Variants in TNRC6B observed in about 807,000 individuals in gnomAD.
TNRC6B encodes trinucleotide repeat-containing gene 6B protein.
In TNRC6B, 52 loss-of-function variants were observed where a neutral mutation model predicts 203.6. The observed-to-expected ratio is 0.26, with a 90% CI of 0.20 to 0.32. TNRC6B has a LOEUF of 0.32. Among genes scored for constraint, TNRC6B ranks in the 10% least tolerant of loss-of-function variants. The pLI is 1.00. For missense variants in TNRC6B, 1,923 were observed against 2,286.2 expected (o/e 0.84, Z 3.24); for synonymous variants, 838 against 845.7 (o/e 0.99, Z 0.16).
rs897721252 is a variant in TNRC6B, at chr22:40,328,244, T to A, written c.*5003T>A. ...TCCCCCCAATAAATCACTTATCCAT[T>A]TATTGCTAGTTAGTTTTATTTATAG... On this transcript the variant is annotated 3_prime_UTR_variant, in exon 23 of 23. Coordinates refer to ENST00000454349, the MANE Select transcript of TNRC6B (RefSeq NM_001162501.2). 20 of 152,350 alleles carry A rather than the reference T, an allele frequency of 1.3e-4. 1 individual carries two copies. The highest frequency in any genetic ancestry group is 3.4e-3 in the Middle Eastern group (1 of 294). The allele number at this position is 152,350 out of a possible 1,614,324, so 9.4% of individuals were successfully genotyped here.
At chr22:40,216,828 G>A (rs938286973) in intron 1 of TNRC6B, among the ~76,000 whole-genome samples, 4 of 152,126 alleles carry the variant, frequency 2.6e-5, no homozygotes, top group Admixed American at 2.0e-4. Context: ...TATTGAAAAC[G>A]TACATACTCA....
chr22:40,312,384 C>A, intron 17 of TNRC6B, 121 bp from the exon 18 acceptor site: 1 of 1,044,646 alleles, frequency 9.6e-7, no homozygotes, highest in South Asian at 1.9e-5. Context: ...TGATGAAAAT[C>A]TAAGAGACAA....
intron 1 of TNRC6B, among the ~76,000 whole-genome samples, chr22:40,222,313 T>A (rs972586200): frequency 1.3e-5 from 2 of 152,088 alleles, no homozygotes; most frequent in Admixed American, 1.3e-4. Context: ...TAAAAGGGGC[T>A]TAAAGGGGAT....
intron 3 of TNRC6B, among the ~76,000 whole-genome samples, chr22:40,138,546 A>G (rs147796688): frequency 1.8e-4 from 27 of 152,300 alleles, no homozygotes; most frequent in African/African-American, 5.1e-4. Context: ...GATTACAGGC[A>G]TGAGCCACCA....
intron 1 of TNRC6B, among the ~76,000 whole-genome samples, chr22:40,116,004 T>C (rs772840039): frequency 1.3e-5 from 2 of 152,222 alleles, no homozygotes; most frequent in Non-Finnish European, 2.9e-5. Context: ...GATGTATTGA[T>C]TCAAACACTA....
In TNRC6B at chr22:40,266,225, C is replaced by G. The variant is rs1569045268; in HGVS notation, c.1995C>G (p.Gly665=). 1 of 1,606,744 alleles carries G rather than the reference C, an allele frequency of 6.2e-7. No homozygotes were observed. The change falls in exon 5 of 23, where the codon GGC becomes GGG. Residue 665 remains glycine (G), a synonymous_variant. Transcript: ENST00000454349. ...SAATQTKNSG[G]WGDAPSQSNQ... Reference sequence around the variant, plus strand: ...CCACACAGACCAAGAACTCAGGGGGCTGGGGAGATGCACCCAGCCAAAGCA... The same window carrying G: ...CCACACAGACCAAGAACTCAGGGGGGTGGGGAGATGCACCCAGCCAAAGCA...
At chr22:40,062,038 C>A (rs1378298100) in intron 1 of TNRC6B, among the ~76,000 whole-genome samples, 2 of 152,020 alleles carry the variant, frequency 1.3e-5, no homozygotes, top group South Asian at 2.1e-4. Flanking sequence ...TGTGCCATTA[C>A]GCTCCAGCCT....
In TNRC6B at chr22:40,234,945, A is replaced by T. The variant is rs77943556; in HGVS notation, c.6-11070A>T. ...TATGTAATTTCCTCTGCCTGAATGG[A>T]TATGTTCCAACATGCTTTTTGTGTG... is the stretch of plus-strand genomic sequence containing the variant. On this transcript the variant is annotated intron_variant, in intron 1 of 22. Coordinates refer to ENST00000454349, the MANE Select transcript of TNRC6B (RefSeq NM_001162501.2). 4.9e-3 allele frequency among the ~76,000 whole-genome samples: 745 copies of T among 152,310 alleles called. 46 individuals carry two copies. The East Asian group carries it at 0.13, about 26-fold the overall frequency.
intron 4 of TNRC6B, among the ~76,000 whole-genome samples, chr22:40,262,557 T>C (rs1388964278): frequency 6.6e-6 from 1 of 152,190 alleles, no homozygotes; most frequent in Non-Finnish European, 1.5e-5. Context: ...TCCAGAATGC[T>C]AGGAGGATAG....
intron 19 of TNRC6B, among the ~76,000 whole-genome samples, chr22:40,313,648 AC>A (rs1212873209): frequency 2.6e-5 from 4 of 152,238 alleles, no homozygotes; most frequent in Non-Finnish European, 4.4e-5. Context: ...ATTATGACTT[AC>A]GTGCTTTGCC....
rs2071389515 is a variant in TNRC6B at position 40,325,455 on chromosome 22, G to C, written c.*2214G>C. The C allele has an allele frequency of 6.6e-6, 1 of 152,530 alleles. No individual in the cohort carries two copies. The highest frequency in any genetic ancestry group is 6.5e-5 in the Admixed American group (1 of 15,280). 9.4% of individuals were successfully genotyped at this position (152,530 alleles called of 1,614,324 possible). ...ATTGACAGGCATGACTCAAGTGAGT[G>C]TTCACATATACAAGCCTGCATGAGC... On this transcript the variant is annotated 3_prime_UTR_variant, in exon 23 of 23. Transcript: ENST00000454349.
At chr22:40,067,298 A>T (rs1369083353) in intron 1 of TNRC6B, among the ~76,000 whole-genome samples, 1 of 152,172 alleles carries the variant, frequency 6.6e-6, no homozygotes, top group Non-Finnish European at 1.5e-5. Context: ...ACGATGTTGA[A>T]TTCCAGTAGC....
At chr22:40,170,685 CTT>C (rs1326774158) in intron 4 of TNRC6B, among the ~76,000 whole-genome samples, 2 of 137,200 alleles carry the variant, frequency 1.5e-5, no homozygotes, top group East Asian at 2.2e-4. Context: ...ACAATTCTCA[CTT>C]TGCAAAAATT....
chr22:40,231,431 T>C (rs1228271075), intron 1 of TNRC6B, among the ~76,000 whole-genome samples: 2 of 152,204 alleles, frequency 1.3e-5, no homozygotes, highest in African/African-American at 4.8e-5. Context: ...TCCGCAATGT[T>C]TTGTAGTTTT....
At chr22:40,177,810 T>G (rs951596858), upstream of TNRC6B, 41 of 1,278,138 alleles carry the variant, frequency 3.2e-5, 1 homozygote, top group South Asian at 2.0e-4. Context: ...GGAAAAGGGC[T>G]GCTTCCCCTT....
intron 12 of TNRC6B, among the ~76,000 whole-genome samples, chr22:40,296,121 C>A: frequency 6.6e-6 from 1 of 152,104 alleles, no homozygotes; most frequent in East Asian, 1.9e-4. Flanking sequence ...AACGTGCGTA[C>A]TTCCTAATAC....
chr22:40,261,866 A>G lies in TNRC6B; in HGVS notation c.150A>G (p.Pro50=). 1.3e-6 allele frequency: 2 copies of G among 1,582,942 alleles called. No individual in the cohort carries two copies. Among genetic ancestry groups the G allele is most frequent in the African/African-American group, 2.7e-5 (2 of 74,638 alleles). Residue 50 remains proline, a synonymous_variant, in exon 4 of 23, where the codon CCA becomes CCG. Transcript: ENST00000454349. ...PEVTKPSLSQ[P]TAASPIGSSP... is the part of the protein sequence containing the mutation. ...TGACGAAACCAAGTTTAAGCCAACC[A>G]ACGGCCGCCAGCCCAATTGGCAGCT...
chr22:40,301,012 G>C lies in TNRC6B; in HGVS notation c.3936+7G>C, dbSNP rs368662731. 119 of 1,609,394 alleles carry C rather than the reference G, an allele frequency of 7.4e-5. No individual in the cohort carries two copies. Among genetic ancestry groups the C allele is most frequent in the Non-Finnish European group, 9.4e-5 (111 of 1,177,894 alleles). On this transcript the variant is annotated splice_region_variant and intron_variant, in intron 14 of 22. Coordinates refer to ENST00000454349, the MANE Select transcript of TNRC6B (RefSeq NM_001162501.2). ...CCAACAGCAAGAGCAGCAGGTACGT[G>C]GGTAGGCAGGGTCCCTCCAGTGCTG... is the stretch of plus-strand genomic sequence containing the variant.
intron 12 of TNRC6B, among the ~76,000 whole-genome samples, chr22:40,299,003 G>A (rs1330276731): frequency 2.6e-5 from 4 of 151,692 alleles, no homozygotes; most frequent in African/African-American, 4.8e-5. Context: ...GGTTGGGAGC[G>A]GTGGCTCATA....
Sources: gnomAD v4.1 joint callset for allele counts (sites outside exome capture counted in the v4.1 genomes callset) on GRCh38, gnomAD v4.1.1 for gene constraint, MANE v1.5 for transcripts, NCBI Gene and HGNC (gene_info 2026-07-23, HGNC 2026-07-21) for gene names.